The following CACNA2D1 variants were observed in gnomAD, a reference collection of about 807,000 sequenced individuals.
The protein encoded by CACNA2D1 is calcium voltage-gated channel auxiliary subunit alpha2delta 1, also known as voltage-dependent calcium channel subunit alpha-2/delta-1.
Under a neutral mutation model 171.5 loss-of-function variants are expected in CACNA2D1, and 53 were observed. The ratio of observed to expected loss-of-function variants is 0.31; its 90% CI spans 0.25 to 0.39. The LOEUF (loss-of-function observed/expected upper bound fraction) is 0.39. CACNA2D1 is among the 10% of genes least tolerant of loss of function. CACNA2D1 has a pLI of 1.00. For missense variants in CACNA2D1, 903 were observed against 1,299.8 expected (o/e 0.69, Z 4.69); for synonymous variants, 442 against 443.1 (o/e 1.00, Z 0.03).
At chr7:82,291,064 C>T (rs1811476242) in intron 3 of CACNA2D1, among the ~76,000 whole-genome samples, 1 of 145,512 alleles carries the variant, frequency 6.9e-6, no homozygotes. Context: ...CAGCCTCAAA[C>T]TCCTGGGCTT....
chr7:82,026,092 T>C (rs1479481888), intron 12 of CACNA2D1, among the ~76,000 whole-genome samples: 1 of 151,056 alleles, frequency 6.6e-6, no homozygotes, highest in Admixed American at 6.6e-5. Context: ...CTGATATAAA[T>C]GTAGCTATCC....
chr7:81,991,315 G>A (rs932822963), intron 20 of CACNA2D1, 69 bp from the exon 21 acceptor site: 29 of 816,852 alleles, frequency 3.6e-5, no homozygotes, highest in South Asian at 6.8e-5. Flanking sequence ...AAGTAAAGCC[G>A]TAGAATTTAC....
chr7:82,270,349 T>C (rs1206438669), intron 3 of CACNA2D1, among the ~76,000 whole-genome samples: 4 of 152,154 alleles, frequency 2.6e-5, no homozygotes, highest in Non-Finnish European at 5.9e-5. Context: ...ATATAACACG[T>C]AGTCTTCTCC....
intron 25 of CACNA2D1, among the ~76,000 whole-genome samples, chr7:81,972,382 TCA>T (rs1795371904): frequency 1.3e-5 from 2 of 151,790 alleles, no homozygotes; most frequent in South Asian, 4.1e-4. Context: ...TTCTTTTCTA[TCA>T]CAAATATCAA....
chr7:82,213,828 C>T (rs1035562964), intron 3 of CACNA2D1, among the ~76,000 whole-genome samples: 3 of 152,058 alleles, frequency 2.0e-5, no homozygotes, highest in Non-Finnish European at 4.4e-5. Context: ...CTGGAATTCC[C>T]TGCTTACCCC....
intron 1 of CACNA2D1, among the ~76,000 whole-genome samples, chr7:82,417,603 T>C (rs1828300296): frequency 6.6e-6 from 1 of 152,164 alleles, no homozygotes; most frequent in Non-Finnish European, 1.5e-5. Context: ...TTCAACTAGA[T>C]ATCTGCATTA....
intron 4 of CACNA2D1, among the ~76,000 whole-genome samples, chr7:82,155,130 A>C (rs935911249): frequency 2.0e-5 from 3 of 152,018 alleles, no homozygotes; most frequent in African/African-American, 7.3e-5. Flanking sequence ...CGTGATAGTA[A>C]CTTTCCAGAG....
At chr7:82,278,969 C>T (rs989916076) in intron 3 of CACNA2D1, among the ~76,000 whole-genome samples, 1 of 152,132 alleles carries the variant, frequency 6.6e-6, no homozygotes, top group Non-Finnish European at 1.5e-5. Flanking sequence ...TAAGCAAAAC[C>T]ATGTGACTTC....
At chr7:82,343,977 T>C (rs1818968604) in intron 2 of CACNA2D1, among the ~76,000 whole-genome samples, 1 of 152,212 alleles carries the variant, frequency 6.6e-6, no homozygotes, top group Non-Finnish European at 1.5e-5. Context: ...AACTGATATG[T>C]ACCAATGCTG....
Position 81,950,655 on chromosome 7 carries a change from A to C in CACNA2D1, c.3160-147T>G, listed in dbSNP as rs1792413149. ...AACTGCTGTAATTGAAATCCAAAGA[A>C]ATTACTTTCTCCTAGATTTTATCAT... On this transcript the variant is annotated intron_variant, in intron 38 of 38. Coordinates refer to ENST00000356860, the MANE Select transcript of CACNA2D1 (RefSeq NM_000722.4). 5 of 1,190,630 alleles carry C rather than the reference A, an allele frequency of 4.2e-6. 1 individual carries two copies. The South Asian group carries it at 8.1e-5, about 19-fold the overall frequency. The allele number at this position is 1,190,630 out of a possible 1,614,324, so 73.8% of individuals were successfully genotyped here. A position where few individuals can be genotyped will look rare whatever the true frequency, so the allele number is the denominator to read the frequency against.
intron 16 of CACNA2D1, among the ~76,000 whole-genome samples, chr7:82,007,378 A>C (rs1483980561): frequency 6.6e-6 from 1 of 152,122 alleles, no homozygotes; most frequent in African/African-American, 2.4e-5. Context: ...GATTCTTAAA[A>C]TGTGCACACA....
intron 20 of CACNA2D1, among the ~76,000 whole-genome samples, chr7:81,992,942 T>C (rs1318065637): frequency 2.0e-5 from 3 of 152,316 alleles, no homozygotes; most frequent in East Asian, 1.9e-4. Flanking sequence ...TGATGGAGTA[T>C]GCATAATAAA....
intron 6 of CACNA2D1, among the ~76,000 whole-genome samples, chr7:82,102,386 TA>T (rs548941948): frequency 2.6e-4 from 39 of 151,588 alleles, no homozygotes; most frequent in African/African-American, 9.2e-4. Flanking sequence ...GACACAAAGA[TA>T]AGTAAATGAA....
chr7:82,171,344 G>C (rs1196105669), intron 3 of CACNA2D1, among the ~76,000 whole-genome samples: 4 of 151,806 alleles, frequency 2.6e-5, no homozygotes, highest in African/African-American at 9.7e-5. Context: ...ATAGCTTTTA[G>C]ACTTTTCTCT....
chr7:82,129,912 A>G (rs1168483838), intron 5 of CACNA2D1, among the ~76,000 whole-genome samples: 1 of 152,192 alleles, frequency 6.6e-6, no homozygotes, highest in African/African-American at 2.4e-5. Flanking sequence ...GGTCAACAAT[A>G]GGGCAAGCGT....
chr7:82,111,582 G>A (rs1788477119), intron 6 of CACNA2D1, among the ~76,000 whole-genome samples: 1 of 150,560 alleles, frequency 6.6e-6, no homozygotes, highest in Non-Finnish European at 1.5e-5. Context: ...CAAGGAGCTG[G>A]GACTATAGGC....
intron 5 of CACNA2D1, among the ~76,000 whole-genome samples, chr7:82,130,791 C>CTTTTTTTTTT (rs71093363): frequency 2.8e-5 from 3 of 105,846 alleles, no homozygotes; most frequent in African/African-American, 4.1e-5. Context: ...TTGTTTTTGT[C>CTTTTTTTTTT]TTTTTTTTTT....
At chr7:82,060,211 A>ATATAAAATAT (rs374742133) in intron 10 of CACNA2D1, among the ~76,000 whole-genome samples, 4 of 31,366 alleles carry the variant, frequency 1.3e-4, no homozygotes, top group African/African-American at 4.2e-4. Flanking sequence ...TTATATATAT[A>ATATAAAATAT]ATATATATAT....
At chr7:82,346,378 T>C (rs1190077582) in intron 2 of CACNA2D1, among the ~76,000 whole-genome samples, 1 of 152,192 alleles carries the variant, frequency 6.6e-6, no homozygotes, top group Non-Finnish European at 1.5e-5. Flanking sequence ...ACAGATTGTA[T>C]CGTTAATCCC....
Sources: gnomAD v4.1 joint callset for allele counts (sites outside exome capture counted in the v4.1 genomes callset) on GRCh38, gnomAD v4.1.1 for gene constraint, MANE v1.5 for transcripts, NCBI Gene and HGNC (gene_info 2026-07-23, HGNC 2026-07-21) for gene names.